Variants in PACS2 observed in about 807,000 individuals in gnomAD.
PACS2 encodes the protein PACS1-like protein.
A neutral mutation model predicts 113.0 loss-of-function variants in PACS2; 36 were observed. The observed-to-expected ratio is 0.32, with a 90% CI of 0.24 to 0.42. PACS2 has a LOEUF of 0.42. Among genes scored for constraint, PACS2 ranks in the 10% least tolerant of loss-of-function variants. The pLI is 1.00. For missense variants in PACS2, 1,015 were observed against 1,239.5 expected, an observed-to-expected ratio of 0.82 and a Z score of 2.72; for synonymous variants, 589 against 536.1, an observed-to-expected ratio of 1.10 and a Z score of -1.36.
intron 1 of PACS2, among the ~76,000 whole-genome samples, chr14:105,335,221 C>T (rs1341450229): frequency 2.0e-5 from 3 of 152,246 alleles, no homozygotes; most frequent in Non-Finnish European, 4.4e-5. Context: ...ACAGCCACCT[C>T]GGAGGCTTCC....
rs928444711 is a variant in PACS2, at chr14:105,367,909, C to T, written c.587-165C>T. Among the ~76,000 whole-genome samples the T allele has an allele frequency of 7.9e-5, 12 of 152,204 alleles. No individual in the cohort carries two copies. The East Asian group carries it at 1.5e-3, about 20-fold the overall frequency. ...CCGTTGCCAGTGGACTTGGGGGACT[C>T]GGGGGCTCGGGGCCACGGCACCTGT... On this transcript the variant is annotated intron_variant, in intron 5 of 24. Coordinates refer to ENST00000447393, the MANE Select transcript of PACS2 (RefSeq NM_001100913.3).
chr14:105,301,872 C>A (rs959159112), intron 1 of PACS2, among the ~76,000 whole-genome samples: 6 of 152,230 alleles, frequency 3.9e-5, no homozygotes, highest in Non-Finnish European at 8.8e-5. Flanking sequence ...CGTAGTGGCT[C>A]ACGCTTGTAA....
intron 1 of PACS2, among the ~76,000 whole-genome samples, chr14:105,334,989 G>A (rs1414215226): frequency 6.6e-6 from 1 of 152,240 alleles, no homozygotes; most frequent in African/African-American, 2.4e-5. Context: ...CTGTGCCTGG[G>A]ACTGTTGGGC....
At chr14:105,343,400 G>C (rs1314400651) in intron 1 of PACS2, among the ~76,000 whole-genome samples, 3 of 152,262 alleles carry the variant, frequency 2.0e-5, no homozygotes, top group Non-Finnish European at 4.4e-5. Flanking sequence ...GGATTGCTGG[G>C]TCCTGTATGT....
intron 4 of PACS2, among the ~76,000 whole-genome samples, chr14:105,360,574 A>G (rs1482436626): frequency 6.6e-6 from 1 of 151,726 alleles, no homozygotes. Context: ...GAAAAAGCTA[A>G]CAATCATCTG....
chr14:105,341,860 C>T (rs2059738284), intron 1 of PACS2, among the ~76,000 whole-genome samples: 1 of 152,216 alleles, frequency 6.6e-6, no homozygotes, highest in South Asian at 2.1e-4. Context: ...GATCTGTCTG[C>T]TACGGGACCG....
chr14:105,312,890 A>C (rs767451096), upstream of PACS2, among the ~76,000 whole-genome samples: 8 of 152,176 alleles, frequency 5.3e-5, no homozygotes, highest in Non-Finnish European at 1.0e-4. Context: ...GACCCACCAT[A>C]CGGGTTCTTC....
rs905413347 is a variant in PACS2 at position 105,340,402 on chromosome 14, A to G, written c.120-8091A>G. ...GGGATGGATTAAAGCAGTGGTCCCC[A>G]ACCTTTTTGCCGCCAGGGACCGGTT... On this transcript the variant is annotated intron_variant, in intron 1 of 24. Transcript: ENST00000447393. The surrounding 1 kb of genome is among the most constrained non-coding windows in gnomAD (Gnocchi z 4.2). Among the ~76,000 whole-genome samples, 4 of 152,244 alleles carry G rather than the reference A, an allele frequency of 2.6e-5. No homozygotes were observed. Among genetic ancestry groups the G allele is most frequent in the African/African-American group, 9.6e-5 (4 of 41,464 alleles).
intron 6 of PACS2, 68 bp downstream of exon 6, chr14:105,368,215 C>T: frequency 1.7e-6 from 2 of 1,171,956 alleles, no homozygotes; most frequent in Non-Finnish European, 2.5e-6. Context: ...CTGTGGGGTC[C>T]TCACCAGCTG....
chr14:105,368,550 A>G lies in PACS2; in HGVS notation c.741+11A>G. On this transcript the variant is annotated intron_variant, in intron 7 of 24. Coordinates refer to ENST00000447393, the MANE Select transcript of PACS2 (RefSeq NM_001100913.3). Reference sequence around the variant, plus strand: ...ACGTCCATGACCAGGGTTGGTGGAGACTGCTTCTATGAATGCTGGGGAAGG... The same window carrying G: ...ACGTCCATGACCAGGGTTGGTGGAGGCTGCTTCTATGAATGCTGGGGAAGG... The G allele has an allele frequency of 6.2e-7, 1 of 1,607,282 alleles. No individual in the cohort carries two copies. The highest frequency in any genetic ancestry group is 1.1e-5 in the South Asian group (1 of 90,972).
intron 5 of PACS2, among the ~76,000 whole-genome samples, 160 bp downstream of exon 5, chr14:105,367,535 C>T (rs1193207551): frequency 3.3e-5 from 5 of 152,260 alleles, no homozygotes; most frequent in East Asian, 1.9e-4. Context: ...AGCAGAGGTG[C>T]GCGCTGTTGT....
chr14:105,329,221 C>T lies in PACS2; in HGVS notation c.119+14184C>T, dbSNP rs2059217480. ...GTGTACGGGAGCAGGATGGGCTGCA[C>T]AGAAGCCTTTCCGGGGGTGCCTGTG... On this transcript the variant is annotated intron_variant, in intron 1 of 24. Transcript: ENST00000447393. This position sits in a 1 kb window ranked among gnomAD's most constrained non-coding sequence, Gnocchi z 6.4. Among the ~76,000 whole-genome samples the T allele has an allele frequency of 1.3e-5, 2 of 152,206 alleles. No homozygotes were observed. The highest frequency in any genetic ancestry group is 4.8e-5 in the African/African-American group (2 of 41,444).
chr14:105,367,220 A>C lies in PACS2; in HGVS notation c.431A>C (p.Gln144Pro). Residue 144 changes from glutamine (Q) to proline (P), a missense_variant, in exon 5 of 25, where the codon CAA becomes CCA. Gln to Pro is a moderately conservative substitution (Grantham distance 76). Transcript: ENST00000447393. ...AGSISMAEVM[Q>P]HPSEGGQVLS... ...CGTGCCCCTGGCCTGCAGGTGATGC[A>C]ACACCCGTCTGAAGGTGGCCAGGTG... The C allele has an allele frequency of 6.2e-7, 1 of 1,612,934 alleles. No individual in the cohort carries two copies. The highest frequency in any genetic ancestry group is 1.1e-5 in the South Asian group (1 of 91,072).
intron 1 of PACS2, among the ~76,000 whole-genome samples, chr14:105,344,449 T>G (rs6576083): frequency 1 from 152,167 of 152,254 alleles, 76,040 homozygotes; most frequent in Non-Finnish European, 1. Flanking sequence ...TATTTAATAG[T>G]TGTAGGACTA....
chr14:105,341,795 G>A (rs1555401639), intron 1 of PACS2, among the ~76,000 whole-genome samples: 1 of 152,230 alleles, frequency 6.6e-6, no homozygotes, highest in African/African-American at 2.4e-5. Context: ...CTGTAGCTAT[G>A]TGTAGTGACA....
At chr14:105,347,859 G>T (rs76068730) in intron 1 of PACS2, among the ~76,000 whole-genome samples, 2,296 of 152,270 alleles carry the variant, frequency 0.015, 58 homozygotes, top group African/African-American at 0.05. Flanking sequence ...ATGTTCACAC[G>T]GGGCAGCACT....
In PACS2 at chr14:105,376,896, C is replaced by T. The variant is rs781824817; in HGVS notation, c.930C>T (p.Ser310=). ...GCCCCGACATGGAGGATGACGACAGCGTCCTCAGCACCCCCAAGCCGAAGC... is the reference window on the plus strand; with the variant it reads ...GCCCCGACATGGAGGATGACGACAGTGTCCTCAGCACCCCCAAGCCGAAGC... ...DSGPDMEDDD[S]VLSTPKPKLR... Residue 310 remains serine, a synonymous_variant, in exon 9 of 25, where the codon AGC becomes AGT. Coordinates refer to ENST00000447393, the MANE Select transcript of PACS2 (RefSeq NM_001100913.3). This position sits in a 1 kb window ranked among gnomAD's most constrained non-coding sequence, Gnocchi z 4.7. 1.9e-5 allele frequency: 31 copies of T among 1,611,514 alleles called. No individual in the cohort carries two copies. Among genetic ancestry groups the T allele is most frequent in the African/African-American group, 4.0e-5 (3 of 74,908 alleles).
intron 24 of PACS2, chr14:105,394,113 G>A: frequency 1.5e-6 from 1 of 680,842 alleles, no homozygotes; most frequent in Non-Finnish European, 1.8e-6. Context: ...GCTCTGGGAG[G>A]CTTTCCTCTT....
At chr14:105,360,049 T>C (rs1324479854) in intron 4 of PACS2, among the ~76,000 whole-genome samples, 1 of 152,182 alleles carries the variant, frequency 6.6e-6, no homozygotes, top group African/African-American at 2.4e-5. Flanking sequence ...CAGGAGGCTG[T>C]CTCTCATATA....
Sources: allele counts gnomAD v4.1 joint callset (sites outside exome capture counted in the v4.1 genomes callset), GRCh38; gene constraint gnomAD v4.1.1; non-coding constraint Gnocchi (gnomAD v3.1); transcripts MANE v1.5; gene names NCBI Gene and HGNC (gene_info 2026-07-23, HGNC 2026-07-21).